The following IL1RAPL2 variants were observed in gnomAD, a reference collection of about 807,000 sequenced individuals.
IL1RAPL2 encodes the protein X-linked interleukin-1 receptor accessory protein-like 2.
IL1RAPL2 carries 3 observed loss-of-function variants against 44.1 expected under a neutral mutation model. The observed-to-expected ratio is 0.07, with a 90% CI of 0.03 to 0.18. IL1RAPL2 has a LOEUF of 0.18. Ranked by LOEUF, IL1RAPL2 falls within the 10% of genes least tolerant of loss-of-function variation. IL1RAPL2 has a pLI of 1.00. For missense variants in IL1RAPL2, 391 were observed against 496.4 expected, an observed-to-expected ratio of 0.79 and a Z score of 2.02; for synonymous variants, 181 against 178.8, an observed-to-expected ratio of 1.01 and a Z score of -0.10.
chrX:104,698,063 CTG>C (rs1931210607), intron 2 of IL1RAPL2, among the ~76,000 whole-genome samples: 1 of 112,275 alleles, frequency 8.9e-6, no homozygotes, highest in Non-Finnish European at 1.9e-5. Context: ...GGTTGTTGGA[CTG>C]TGGGCACCAG....
chrX:105,218,381 C>T (rs2033887526), intron 3 of IL1RAPL2, among the ~76,000 whole-genome samples: 1 of 111,325 alleles, frequency 9.0e-6, no homozygotes, highest in Admixed American at 9.5e-5. Context: ...GGCTCCGGTC[C>T]TGGCCCCAAC....
At chrX:104,946,312 G>T (rs1462993755) in intron 2 of IL1RAPL2, among the ~76,000 whole-genome samples, 1 of 82,823 alleles carries the variant, frequency 1.2e-5, no homozygotes, top group Admixed American at 1.6e-4. Flanking sequence ...AGCGGAGCTT[G>T]CAGTGAGCCG....
chrX:105,626,923 C>G (rs993393725), intron 6 of IL1RAPL2, among the ~76,000 whole-genome samples: 9 of 111,468 alleles, frequency 8.1e-5, no homozygotes, highest in African/African-American at 2.3e-4. Context: ...CTTGCTCCCC[C>G]CTCAGAGATT....
intron 1 of IL1RAPL2, among the ~76,000 whole-genome samples, chrX:104,594,384 TAA>T (rs1376909678): frequency 8.9e-6 from 1 of 111,950 alleles, no homozygotes; most frequent in Non-Finnish European, 1.9e-5. Context: ...CTTACTTGCC[TAA>T]GTTTCTATAT....
At chrX:105,667,050 G>A (rs919591393) in intron 6 of IL1RAPL2, among the ~76,000 whole-genome samples, 5 of 111,883 alleles carry the variant, frequency 4.5e-5, no homozygotes, top group Non-Finnish European at 9.4e-5. Context: ...TAGTTTCAGG[G>A]GGTCTCCCTA....
At chrX:105,690,075 G>T (rs1451866871) in intron 6 of IL1RAPL2, among the ~76,000 whole-genome samples, 1 of 110,462 alleles carries the variant, frequency 9.1e-6, no homozygotes, top group Admixed American at 9.6e-5. Context: ...TTGGAGGATG[G>T]GGGGCTTGGG....
At chrX:105,363,293 T>TATATATATATA (rs1325547950) in intron 5 of IL1RAPL2, among the ~76,000 whole-genome samples, 4 of 77,429 alleles carry the variant, frequency 5.2e-5, no homozygotes, top group African/African-American at 3.7e-4. Flanking sequence ...ATATATAATA[T>TATATATATATA]ATATATATAT....
intron 1 of IL1RAPL2, among the ~76,000 whole-genome samples, chrX:104,651,909 G>A (rs1298345997): frequency 9.0e-6 from 1 of 111,546 alleles, no homozygotes; most frequent in Non-Finnish European, 1.9e-5. Flanking sequence ...GGTCTTTTCA[G>A]TCTTGGTTTG....
Position 105,131,531 on chromosome X carries a change from A to AT in IL1RAPL2, c.83-63931dup, listed in dbSNP as rs924931766. Among the ~76,000 whole-genome samples, 323 of 103,318 alleles carry AT rather than the reference A, an allele frequency of 3.1e-3. 3 individuals are homozygous for AT. The highest frequency in any genetic ancestry group is 0.013 in the South Asian group (31 of 2,455). 89.7% of individuals were successfully genotyped at this position (103,318 alleles called of 115,157 possible). A position where few individuals can be genotyped will look rare whatever the true frequency, so the allele number is the denominator to read the frequency against. ...TTAAAAACCATTTCAACCTGTAAAT[A>AT]TTTTTTTTTTTTTGCTCATAGGCCA... On this transcript the variant is annotated intron_variant, in intron 2 of 10. Coordinates refer to ENST00000372582, the MANE Select transcript of IL1RAPL2 (RefSeq NM_017416.2).
chrX:104,610,148 A>G (rs186678087), intron 1 of IL1RAPL2, among the ~76,000 whole-genome samples: 5,974 of 110,407 alleles, frequency 0.054, 433 homozygotes, highest in African/African-American at 0.19. Flanking sequence ...AATAAGAGCT[A>G]TCTATGACAA....
At chrX:105,197,573 T>C (rs1174333377) in intron 3 of IL1RAPL2, among the ~76,000 whole-genome samples, 1 of 111,563 alleles carries the variant, frequency 9.0e-6, no homozygotes, top group African/African-American at 3.3e-5. Context: ...CCTTTACTCC[T>C]AGCAATAATA....
At chrX:104,664,098 T>C (rs1930447053) in intron 2 of IL1RAPL2, among the ~76,000 whole-genome samples, 1 of 110,861 alleles carries the variant, frequency 9.0e-6, no homozygotes, top group African/African-American at 3.3e-5. Flanking sequence ...GAATGTTCCA[T>C]TCTCTAAAGG....
At chrX:104,687,122 C>T (rs1931003043) in intron 2 of IL1RAPL2, among the ~76,000 whole-genome samples, 1 of 112,148 alleles carries the variant, frequency 8.9e-6, no homozygotes, top group African/African-American at 3.2e-5. Context: ...TGCAGCTTTT[C>T]CAAGTGTATT....
At chrX:104,970,173 A>G (rs1313455099) in intron 2 of IL1RAPL2, among the ~76,000 whole-genome samples, 4 of 112,058 alleles carry the variant, frequency 3.6e-5, no homozygotes, top group East Asian at 5.6e-4. Context: ...TAAACAATGT[A>G]CCTATCATTG....
At chrX:105,114,392 A>T (rs1350840188) in intron 2 of IL1RAPL2, among the ~76,000 whole-genome samples, 4 of 112,531 alleles carry the variant, frequency 3.6e-5, no homozygotes, top group Non-Finnish European at 7.5e-5. Context: ...TAAGGCAATG[A>T]GTCTAATAAG....
chrX:105,396,522 CTT>C (rs2035564511), intron 5 of IL1RAPL2, among the ~76,000 whole-genome samples: 2 of 97,294 alleles, frequency 2.1e-5, no homozygotes, highest in African/African-American at 7.4e-5. Context: ...TCCTCTATGT[CTT>C]TTATGTTATT....
chrX:104,999,411 G>A (rs2030810983), intron 2 of IL1RAPL2, among the ~76,000 whole-genome samples: 1 of 111,382 alleles, frequency 9.0e-6, no homozygotes, highest in East Asian at 2.9e-4. Context: ...TACTAGGGAA[G>A]TGTAGGAACA....
At chrX:105,349,234 C>T (rs185046295) in intron 5 of IL1RAPL2, among the ~76,000 whole-genome samples, 1 of 111,543 alleles carries the variant, frequency 9.0e-6, no homozygotes, top group African/African-American at 3.2e-5. Flanking sequence ...AAACTTTGCA[C>T]CAGGCTCATC....
At chrX:104,832,427 T>G (rs2147629841) in intron 2 of IL1RAPL2, among the ~76,000 whole-genome samples, 1 of 111,430 alleles carries the variant, frequency 9.0e-6, no homozygotes. Context: ...TTGGTTTTCC[T>G]TACAAACTTG....
Sources: allele counts gnomAD v4.1 joint callset (sites outside exome capture counted in the v4.1 genomes callset), GRCh38; gene constraint gnomAD v4.1.1; transcripts MANE v1.5; gene names NCBI Gene and HGNC (gene_info 2026-07-23, HGNC 2026-07-21).